Variants in NOL4 observed in about 807,000 individuals in gnomAD.
NOL4 encodes cancer/testis antigen 125.
NOL4 carries 17 observed loss-of-function variants against 75.9 expected under a neutral mutation model. The observed-to-expected ratio is 0.22, with a 90% CI of 0.15 to 0.34. NOL4 has a LOEUF of 0.34. Among genes scored for constraint, NOL4 ranks in the 10% least tolerant of loss-of-function variants. The pLI is 1.00. For synonymous variants in NOL4, 292 were observed against 289.9 expected (o/e 1.01, Z -0.07); for missense variants, 614 against 793.5 (o/e 0.77, Z 2.72).
intron 10 of NOL4, among the ~76,000 whole-genome samples, chr18:33,864,873 TGA>T (rs893709249): frequency 1.3e-5 from 2 of 152,076 alleles, no homozygotes; most frequent in African/African-American, 4.8e-5. Flanking sequence ...TGGTGGCAGG[TGA>T]GAGAGTATGT....
rs1245322530 is a variant in NOL4 at position 34,116,204 on chromosome 18, T to A, written c.415-11044A>T. Among the ~76,000 whole-genome samples the A allele has an allele frequency of 3.3e-5, 5 of 152,084 alleles. No homozygotes were observed. In the East Asian group the frequency reaches 9.6e-4, roughly 29 times the overall value. On this transcript the variant is annotated intron_variant, in intron 2 of 10. Coordinates refer to ENST00000261592, the MANE Select transcript of NOL4 (RefSeq NM_003787.5). The stretch of plus-strand genomic sequence containing the variant: ...TGGAGCAATAACAGCACAACATTAG[T>A]GATCCAGTGACAAACTTATCCACCT...
At chr18:34,079,514 G>A (rs2077901482) in intron 5 of NOL4, among the ~76,000 whole-genome samples, 1 of 151,978 alleles carries the variant, frequency 6.6e-6, no homozygotes. Flanking sequence ...TTGGACAAAT[G>A]AGGCTAGCAG....
Position 34,219,938 on chromosome 18 carries a change from G to C in NOL4, c.264+3052C>G, listed in dbSNP as rs146056690. ...AAAAGCAGTCTAAACATCAGTGGCA[G>C]ATATGTCCCCTCAGGTTTAGACATG... is the stretch of plus-strand genomic sequence containing the variant. On this transcript the variant is annotated intron_variant, in intron 1 of 10. Coordinates refer to ENST00000261592, the MANE Select transcript of NOL4 (RefSeq NM_003787.5). 3.3e-5 allele frequency among the ~76,000 whole-genome samples: 5 copies of C among 152,344 alleles called. No homozygotes were observed. In the East Asian group the frequency reaches 9.6e-4, roughly 29 times the overall value.
chr18:33,928,133 A>C (rs573108935), intron 9 of NOL4, among the ~76,000 whole-genome samples: 1 of 152,330 alleles, frequency 6.6e-6, no homozygotes, highest in African/African-American at 2.4e-5. Context: ...GTCTTCGTTT[A>C]TCCACTAAGC....
chr18:34,167,910 A>G (rs1235556831), intron 1 of NOL4, among the ~76,000 whole-genome samples: 2 of 152,092 alleles, frequency 1.3e-5, no homozygotes, highest in Non-Finnish European at 2.9e-5. Flanking sequence ...ATTTTCGACA[A>G]TATCTTCACA....
intron 9 of NOL4, among the ~76,000 whole-genome samples, chr18:33,937,947 T>C (rs1245046909): frequency 2.0e-5 from 3 of 152,024 alleles, no homozygotes; most frequent in African/African-American, 7.2e-5. Flanking sequence ...TTTTTGTAAA[T>C]AAAGTAAATC....
intron 9 of NOL4, among the ~76,000 whole-genome samples, chr18:33,926,744 G>T (rs867512271): frequency 5.3e-5 from 8 of 152,064 alleles, no homozygotes; most frequent in South Asian, 4.1e-4. Flanking sequence ...GGGATTAGAG[G>T]CGCCCACCAC....
chr18:34,008,408 T>A (rs1157911978), intron 6 of NOL4, among the ~76,000 whole-genome samples: 3 of 149,710 alleles, frequency 2.0e-5, no homozygotes, highest in African/African-American at 7.4e-5. Context: ...TATCTATCTA[T>A]CTATCCTATG....
At chr18:34,048,615 A>AG (rs2076490094) in intron 5 of NOL4, 8 of 985,268 alleles carry the variant, frequency 8.1e-6, no homozygotes, top group Non-Finnish European at 9.6e-6. Flanking sequence ...TCCTGTATGA[A>AG]GCAGGAGATG....
At chr18:34,105,278 TGAAA>T in intron 2 of NOL4, 118 bp from the exon 3 acceptor site, 3 of 679,910 alleles carry the variant, frequency 4.4e-6, no homozygotes, top group Non-Finnish European at 7.8e-6. Flanking sequence ...GGAAGCACAA[TGAAA>T]GCATGCATTG....
At chr18:34,026,029 A>C (rs1336993859) in intron 5 of NOL4, among the ~76,000 whole-genome samples, 1 of 152,190 alleles carries the variant, frequency 6.6e-6, no homozygotes, top group Non-Finnish European at 1.5e-5. Flanking sequence ...CTGAGCTATG[A>C]ACCTCTTCCT....
intron 6 of NOL4, among the ~76,000 whole-genome samples, chr18:33,980,606 C>T (rs780514680): frequency 3.3e-5 from 5 of 151,708 alleles, no homozygotes; most frequent in Non-Finnish European, 5.9e-5. Flanking sequence ...AGTGGAAAGA[C>T]AATAAAAGAG....
chr18:33,995,034 A>G (rs949531542), intron 6 of NOL4, among the ~76,000 whole-genome samples: 34 of 151,610 alleles, frequency 2.2e-4, no homozygotes, highest in Admixed American at 1.1e-3. Context: ...ACATGGAAAA[A>G]CTCCTAGAAA....
chr18:34,159,761 C>T (rs1003702356), intron 1 of NOL4, among the ~76,000 whole-genome samples: 1 of 152,134 alleles, frequency 6.6e-6, no homozygotes, highest in Non-Finnish European at 1.5e-5. Context: ...ATCCTTTCTC[C>T]CTTTTTTCTG....
chr18:33,885,317 A>T (rs2064571382), intron 9 of NOL4, among the ~76,000 whole-genome samples: 1 of 152,112 alleles, frequency 6.6e-6, no homozygotes, highest in Non-Finnish European at 1.5e-5. Flanking sequence ...GCAAAAATGG[A>T]CAAACAGGAT....
chr18:34,190,645 A>G (rs2034845736), intron 1 of NOL4, among the ~76,000 whole-genome samples: 1 of 151,816 alleles, frequency 6.6e-6, no homozygotes, highest in Admixed American at 6.6e-5. Flanking sequence ...AGGTCAAAGG[A>G]AGAGTACAAA....
intron 7 of NOL4, 86 bp from the exon 8 acceptor site, chr18:33,957,603 A>G: frequency 9.2e-7 from 1 of 1,082,140 alleles, no homozygotes; most frequent in Non-Finnish European, 1.3e-6. Context: ...ACCGATAGGA[A>G]AATACTGTTT....
At chr18:34,151,566 T>C (rs548161677) in intron 1 of NOL4, among the ~76,000 whole-genome samples, 1 of 151,840 alleles carries the variant, frequency 6.6e-6, no homozygotes, top group Admixed American at 6.6e-5. Context: ...GGGGGATTAA[T>C]AGACAAAGCA....
At position 33,957,453 on chromosome 18, in the gene NOL4, T is replaced by A; in HGVS notation, c.1301A>T (p.Lys434Ile). 6.2e-7 allele frequency: 1 copy of A among 1,613,752 alleles called. No homozygotes were observed. The highest frequency in any genetic ancestry group is 8.5e-7 in the Non-Finnish European group (1 of 1,179,800). ...GTCAATGATAGCCTGGATCTTTTCT[T>A]TGGGCTGCTTAGAGATTGGGACCAT... ...DRMVPISKQP[K>I]EKIQAIIDSC... is the part of the protein sequence containing the mutation. Residue 434 changes from lysine (K) to isoleucine (I), a missense_variant, in exon 8 of 11, where the codon AAA becomes ATA. By Grantham distance (102) the Lys-to-Ile change is moderately radical. Around this residue, in one of 9 missense-constraint regions of NOL4, gnomAD observed 52 missense variants for 121.1 expected, o/e 0.43. Transcript: ENST00000261592.
Sources: gnomAD v4.1 joint callset for allele counts (sites outside exome capture counted in the v4.1 genomes callset) on GRCh38, gnomAD v4.1.1 for gene constraint, gnomAD v4.1.1 regional missense constraint, MANE v1.5 for transcripts, NCBI Gene and HGNC (gene_info 2026-07-23, HGNC 2026-07-21) for gene names.